Variants in CDH22 observed in about 807,000 individuals in gnomAD.
CDH22 encodes the protein cadherin-22.
Under a neutral mutation model 58.4 loss-of-function variants are expected in CDH22, and 30 were observed. The ratio of observed to expected loss-of-function variants is 0.51; its 90% CI spans 0.38 to 0.70. The LOEUF is 0.70. Among genes scored for constraint, CDH22 ranks in the 30% least tolerant of loss-of-function variants. The probability of loss-of-function intolerance (pLI) is 0.00; values close to 1 mark genes in which losing one functional copy is unlikely to be tolerated. For missense variants in CDH22, 1,014 were observed against 1,233.9 expected, an observed-to-expected ratio of 0.82 and a Z score of 2.67; for synonymous variants, 513 against 558.2, an observed-to-expected ratio of 0.92 and a Z score of 1.14.
chr20:46,297,544 G>GCT (rs1444048838), intron 1 of CDH22, among the ~76,000 whole-genome samples: 1 of 151,746 alleles, frequency 6.6e-6, no homozygotes, highest in African/African-American at 2.4e-5. Context: ...AAGGAGATGG[G>GCT]GACTCCAAGA....
At chr20:46,229,481 G>A (rs147146268) in intron 3 of CDH22, among the ~76,000 whole-genome samples, 187 of 152,302 alleles carry the variant, frequency 1.2e-3, no homozygotes, top group Middle Eastern at 6.8e-3. Context: ...CACAACCAGC[G>A]ATGGCACTGC....
At chr20:46,243,345 C>A (rs2086305688) in intron 2 of CDH22, among the ~76,000 whole-genome samples, 1 of 152,246 alleles carries the variant, frequency 6.6e-6, no homozygotes, top group Non-Finnish European at 1.5e-5. Flanking sequence ...TAATGGGCAT[C>A]TCTCTCTTTT....
chr20:46,202,888 A>G (rs1278357850), intron 7 of CDH22, among the ~76,000 whole-genome samples: 1 of 152,176 alleles, frequency 6.6e-6, no homozygotes, highest in African/African-American at 2.4e-5. Flanking sequence ...GAGACATGAC[A>G]TAGCCTGGGC....
In CDH22 at chr20:46,300,906, G is replaced by A. The variant is rs1276283719; in HGVS notation, c.-400+7349C>T. ...GAAACAACCCAAATGTCCAACAGTGGGGGCTGGTTAAATGAATTATGGGCA... is the reference window on the plus strand; with the variant it reads ...GAAACAACCCAAATGTCCAACAGTGAGGGCTGGTTAAATGAATTATGGGCA... On this transcript the variant is annotated intron_variant, in intron 1 of 11. Transcript: ENST00000537909. This position sits in a 1 kb window ranked among gnomAD's most constrained non-coding sequence, Gnocchi z 4.4. Among the ~76,000 whole-genome samples, 1 of 152,144 alleles carries A rather than the reference G, an allele frequency of 6.6e-6. No homozygotes were observed. The highest frequency in any genetic ancestry group is 1.5e-5 in the Non-Finnish European group (1 of 68,030).
intron 3 of CDH22, among the ~76,000 whole-genome samples, chr20:46,238,525 C>T (rs953646979): frequency 1.3e-5 from 2 of 152,206 alleles, no homozygotes; most frequent in African/African-American, 2.4e-5. Flanking sequence ...CAGCATAATA[C>T]GTTTTTCTAA....
chr20:46,218,441 G>A (rs981698763), intron 4 of CDH22, among the ~76,000 whole-genome samples: 1 of 152,190 alleles, frequency 6.6e-6, no homozygotes, highest in South Asian at 2.1e-4. Flanking sequence ...TGGCTGGTGT[G>A]AACTGGACTC....
At chr20:46,225,097 A>G (rs930521942) in intron 4 of CDH22, among the ~76,000 whole-genome samples, 2 of 152,208 alleles carry the variant, frequency 1.3e-5, no homozygotes, top group Non-Finnish European at 2.9e-5. Context: ...GTAGGTGAGG[A>G]GGAGGGGAAA....
intron 1 of CDH22, among the ~76,000 whole-genome samples, chr20:46,278,916 G>A (rs2086534919): frequency 6.6e-6 from 1 of 152,178 alleles, no homozygotes; most frequent in South Asian, 2.1e-4. Flanking sequence ...TCTGGGTCCG[G>A]AATGGCCCAG....
chr20:46,244,905 T>C (rs568648370), intron 2 of CDH22, among the ~76,000 whole-genome samples: 1 of 152,338 alleles, frequency 6.6e-6, no homozygotes, highest in South Asian at 2.1e-4. Flanking sequence ...GGAAAGATTA[T>C]GTGCTTTGGA....
intron 4 of CDH22, among the ~76,000 whole-genome samples, chr20:46,225,001 C>G (rs1477181203): frequency 1.4e-4 from 21 of 152,220 alleles, no homozygotes; most frequent in Admixed American, 1.4e-3. Context: ...GAGCCAAGCT[C>G]TGTAGCAGCA....
intron 8 of CDH22, among the ~76,000 whole-genome samples, chr20:46,189,490 G>T (rs1364639428): frequency 1.3e-5 from 2 of 152,146 alleles, no homozygotes; most frequent in Non-Finnish European, 2.9e-5. Flanking sequence ...AGGGTGGTGG[G>T]GGTGTGTGGG....
intron 7 of CDH22, among the ~76,000 whole-genome samples, chr20:46,205,930 A>T (rs1211393908): frequency 2.0e-5 from 3 of 152,028 alleles, no homozygotes; most frequent in Non-Finnish European, 2.9e-5. Flanking sequence ...CCCCATTCCA[A>T]GCCTTGTCCT....
At chr20:46,244,321 G>A (rs1436076725) in intron 2 of CDH22, among the ~76,000 whole-genome samples, 1 of 152,228 alleles carries the variant, frequency 6.6e-6, no homozygotes, top group African/African-American at 2.4e-5. Flanking sequence ...GAGTCAGACA[G>A]GGGCAATCTG....
At position 46,190,425 on chromosome 20, in the gene CDH22, A is replaced by G. The variant is rs191760307; in HGVS notation, c.1424-3478T>C. Among the ~76,000 whole-genome samples, 387 of 152,242 alleles carry G rather than the reference A, an allele frequency of 2.5e-3. 2 individuals carry two copies. Among genetic ancestry groups the G allele is most frequent in the African/African-American group, 9.0e-3 (375 of 41,560 alleles). ...TCAGGGGCCCTCCTGCTGCCTGGTCATTTGTCCATTCAGTGGCAGCTATGG... is the reference window on the plus strand; with the variant it reads ...TCAGGGGCCCTCCTGCTGCCTGGTCGTTTGTCCATTCAGTGGCAGCTATGG... On this transcript the variant is annotated intron_variant, in intron 8 of 11. Transcript: ENST00000537909.
At chr20:46,263,815 C>T (rs926923929) in intron 1 of CDH22, among the ~76,000 whole-genome samples, 2 of 151,916 alleles carry the variant, frequency 1.3e-5, no homozygotes, top group African/African-American at 2.4e-5. Context: ...GAGCTTTTGG[C>T]GGAGGAGATG....
intron 11 of CDH22, 56 bp downstream of exon 11, chr20:46,177,890 C>G (rs1007971464): frequency 3.1e-6 from 5 of 1,590,028 alleles, no homozygotes; most frequent in Non-Finnish European, 4.3e-6. Context: ...GAAGGAAACC[C>G]AGGACGCCAG....
chr20:46,185,107 A>G (rs1568650998), intron 10 of CDH22, among the ~76,000 whole-genome samples: 2 of 141,552 alleles, frequency 1.4e-5, no homozygotes, highest in Non-Finnish European at 3.1e-5. Flanking sequence ...CAAACAAAAA[A>G]CAACAAAAAA....
chr20:46,272,025 C>T (rs1329577804), intron 1 of CDH22, among the ~76,000 whole-genome samples: 1 of 152,222 alleles, frequency 6.6e-6, no homozygotes, highest in Non-Finnish European at 1.5e-5. Context: ...GTGAATGACA[C>T]CCTCATCTGT....
At position 46,265,014 on chromosome 20, in the gene CDH22, C is replaced by G. The variant is rs1351218630; in HGVS notation, c.-399-13321G>C. ...CACCTCAGGTGCCCCTGGCCTGCAC[C>G]TGTCTCCCTGCCCTGCCCCCACCCT... On this transcript the variant is annotated intron_variant, in intron 1 of 11. Transcript: ENST00000537909. Among the ~76,000 whole-genome samples the G allele has an allele frequency of 5.3e-5, 8 of 152,324 alleles. No homozygotes were observed. The South Asian group carries it at 1.2e-3, about 24-fold the overall frequency.
Sources: allele counts gnomAD v4.1 joint callset (sites outside exome capture counted in the v4.1 genomes callset), GRCh38; gene constraint gnomAD v4.1.1; non-coding constraint Gnocchi (gnomAD v3.1); transcripts MANE v1.5; gene names NCBI Gene and HGNC (gene_info 2026-07-23, HGNC 2026-07-21).